AGAP1: variants seen among roughly 807,000 people sequenced by gnomAD.
AGAP1 encodes arf-GAP with GTPase, ANK repeat and PH domain-containing protein 1.
Under a neutral mutation model 105.3 loss-of-function variants are expected in AGAP1, and 29 were observed. The ratio of observed to expected loss-of-function variants is 0.28; its 90% CI spans 0.21 to 0.38. The LOEUF is 0.38. Among genes scored for constraint, AGAP1 ranks in the 10% least tolerant of loss-of-function variants. AGAP1 has a pLI of 1.00. For missense variants in AGAP1, 998 were observed against 1,165.1 expected (o/e 0.86, Z 2.09); for synonymous variants, 509 against 485.9 (o/e 1.05, Z -0.63).
In AGAP1 at chr2:236,042,332, G is replaced by A. The variant is rs1282269820; in HGVS notation, c.1891+1491G>A. Among the ~76,000 whole-genome samples the A allele has an allele frequency of 9.2e-5, 14 of 152,196 alleles. No individual in the cohort carries two copies. The East Asian group carries it at 9.7e-4, about 11-fold the overall frequency. ...GGGGAGAGATCAAAAGTCTGTCTGCGGCCTCTCTGGAAGCCTGTCCTGCGG... is the reference window on the plus strand; with the variant it reads ...GGGGAGAGATCAAAAGTCTGTCTGCAGCCTCTCTGGAAGCCTGTCCTGCGG... On this transcript the variant is annotated intron_variant, in intron 15 of 17. Coordinates refer to ENST00000304032, the MANE Select transcript of AGAP1 (RefSeq NM_001037131.3). The surrounding 1 kb of genome is among the most constrained non-coding windows in gnomAD (Gnocchi z 5.6).
In AGAP1 at chr2:236,053,961, C is replaced by T. The variant is rs533237737; in HGVS notation, c.2114+4680C>T. 6.6e-6 allele frequency among the ~76,000 whole-genome samples: 1 copy of T among 152,184 alleles called. No individual in the cohort carries two copies. The highest frequency in any genetic ancestry group is 2.4e-5 in the African/African-American group (1 of 41,454). On this transcript the variant is annotated intron_variant, in intron 16 of 17. Coordinates refer to ENST00000304032, the MANE Select transcript of AGAP1 (RefSeq NM_001037131.3). This position sits in a 1 kb window ranked among gnomAD's most constrained non-coding sequence, Gnocchi z 4.6. ...CCCCCCATTATTTGTAAGTTCACCT[C>T]TGTGCCTAAACTCCCTTCTTGTCTT...
chr2:235,822,191 CAAT>C (rs1264122855), intron 9 of AGAP1, among the ~76,000 whole-genome samples: 3 of 152,176 alleles, frequency 2.0e-5, no homozygotes, highest in African/African-American at 7.2e-5. Flanking sequence ...ACGTTGTACT[CAAT>C]AATAAGTAGG....
chr2:235,791,591 A>G (rs993860848), intron 6 of AGAP1, among the ~76,000 whole-genome samples: 8 of 151,976 alleles, frequency 5.3e-5, no homozygotes, highest in African/African-American at 9.7e-5. Flanking sequence ...GCCAGACTGG[A>G]GTACAGTGGC....
Position 235,967,396 on chromosome 2 carries a change from C to T in AGAP1, c.1484-1066C>T, listed in dbSNP as rs1190279225. Among the ~76,000 whole-genome samples, 2 of 152,158 alleles carry T rather than the reference C, an allele frequency of 1.3e-5. No homozygotes were observed. The highest frequency in any genetic ancestry group is 2.9e-5 in the Non-Finnish European group (2 of 68,044). On this transcript the variant is annotated intron_variant, in intron 12 of 17. Coordinates refer to ENST00000304032, the MANE Select transcript of AGAP1 (RefSeq NM_001037131.3). This position sits in a 1 kb window ranked among gnomAD's most constrained non-coding sequence, Gnocchi z 4.7. ...CGTTCCTATTCGGTCTTTCCCATAA[C>T]TCTTACCAGCTTCTGATGGACTCCA...
At chr2:235,840,561 G>A (rs571823285) in intron 9 of AGAP1, among the ~76,000 whole-genome samples, 1 of 152,282 alleles carries the variant, frequency 6.6e-6, no homozygotes, top group South Asian at 2.1e-4. Context: ...GGGCCATGCT[G>A]GCTGCAGAAT....
intron 6 of AGAP1, among the ~76,000 whole-genome samples, chr2:235,759,426 C>G (rs943320953): frequency 6.0e-4 from 92 of 152,310 alleles, no homozygotes; most frequent in Non-Finnish European, 1.1e-3. Flanking sequence ...GCCTTGGCCT[C>G]CCAAAGTGCT....
In AGAP1 at chr2:235,882,755, G is replaced by A. The variant is rs369640654; in HGVS notation, c.1051-590G>A. Among the ~76,000 whole-genome samples the A allele has an allele frequency of 3.9e-5, 6 of 152,160 alleles. No individual in the cohort carries two copies. The highest frequency in any genetic ancestry group is 2.0e-4 in the Admixed American group (3 of 15,280). ...CTCCCAAAGTTCTGGGATTACAGGC[G>A]TGAGCCACCGTGCCCGGCCTGGTTA... is the stretch of plus-strand genomic sequence containing the variant. On this transcript the variant is annotated intron_variant, in intron 9 of 17. Coordinates refer to ENST00000304032, the MANE Select transcript of AGAP1 (RefSeq NM_001037131.3). The surrounding 1 kb of genome is among the most constrained non-coding windows in gnomAD (Gnocchi z 4.6).
rs913438219 is a variant in AGAP1, at chr2:235,879,978, G to A, written c.1051-3367G>A. Among the ~76,000 whole-genome samples the A allele has an allele frequency of 2.4e-4, 36 of 151,704 alleles. No individual in the cohort carries two copies. The highest frequency in any genetic ancestry group is 8.2e-4 in the African/African-American group (34 of 41,270). ...ATAAAAAAATTAGCCGAACAGGATG[G>A]CACACGCCTGTAGTCCCAAGCTACT... is the stretch of plus-strand genomic sequence containing the variant. On this transcript the variant is annotated intron_variant, in intron 9 of 17. Transcript: ENST00000304032. The surrounding 1 kb of genome is among the most constrained non-coding windows in gnomAD (Gnocchi z 5.0).
intron 9 of AGAP1, among the ~76,000 whole-genome samples, chr2:235,851,167 C>T (rs888110860): frequency 5.3e-5 from 8 of 152,246 alleles, no homozygotes; most frequent in Non-Finnish European, 8.8e-5. Flanking sequence ...GACCTCTGAG[C>T]TCACAGCCTG....
chr2:235,730,148 T>A (rs928171440), intron 3 of AGAP1, among the ~76,000 whole-genome samples: 6 of 152,132 alleles, frequency 3.9e-5, no homozygotes, highest in African/African-American at 1.2e-4. Flanking sequence ...ACTTCCTGAA[T>A]TGCATATTGA....
chr2:235,682,642 G>T (rs1323598319), intron 1 of AGAP1, among the ~76,000 whole-genome samples: 2 of 152,078 alleles, frequency 1.3e-5, no homozygotes, highest in Non-Finnish European at 2.9e-5. Flanking sequence ...ACCATGCCTG[G>T]CACAGAACCC....
intron 9 of AGAP1, among the ~76,000 whole-genome samples, chr2:235,863,491 C>A (rs1043229333): frequency 1.3e-5 from 2 of 152,170 alleles, no homozygotes; most frequent in Non-Finnish European, 2.9e-5. Flanking sequence ...GGCCTCCCGT[C>A]GAGTCCTCAG....
chr2:235,706,560 T>C (rs186586504), intron 1 of AGAP1, among the ~76,000 whole-genome samples: 10 of 152,264 alleles, frequency 6.6e-5, no homozygotes, highest in Admixed American at 5.9e-4. Context: ...CGATACACTT[T>C]TTAGAAATGC....
At chr2:235,996,952 G>GA (rs371881815) in intron 13 of AGAP1, among the ~76,000 whole-genome samples, 1 of 152,136 alleles carries the variant, frequency 6.6e-6, no homozygotes, top group East Asian at 1.9e-4. Context: ...TGTAGGAGAA[G>GA]AAAAAAATCA....
intron 9 of AGAP1, among the ~76,000 whole-genome samples, chr2:235,861,152 G>A (rs2048913432): frequency 6.6e-6 from 1 of 152,222 alleles, no homozygotes. Context: ...TACAATATTT[G>A]CAGTGGTTCA....
chr2:235,810,509 G>A (rs1319508527), intron 9 of AGAP1, among the ~76,000 whole-genome samples: 3 of 152,284 alleles, frequency 2.0e-5, no homozygotes, highest in South Asian at 2.1e-4. Context: ...ATCCAGGCAA[G>A]GCAGCCTTCA....
chr2:236,111,190 C>T (rs2059628935), intron 16 of AGAP1, among the ~76,000 whole-genome samples: 1 of 152,186 alleles, frequency 6.6e-6, no homozygotes, highest in Non-Finnish European at 1.5e-5. Context: ...TAAATCCGTG[C>T]AGGGAAGGCA....
intron 1 of AGAP1, among the ~76,000 whole-genome samples, chr2:235,501,387 A>G (rs866367074): frequency 6.6e-6 from 1 of 152,180 alleles, no homozygotes; most frequent in Non-Finnish European, 1.5e-5. Flanking sequence ...TTCACTTATT[A>G]TATGATAATT....
chr2:235,684,023 C>T (rs541848592), intron 1 of AGAP1, among the ~76,000 whole-genome samples: 7 of 151,734 alleles, frequency 4.6e-5, no homozygotes, highest in African/African-American at 1.7e-4. Context: ...CTGCAGAGGA[C>T]ATGAACTCAT....
Sources: gnomAD v4.1 joint callset for allele counts (sites outside exome capture counted in the v4.1 genomes callset) on GRCh38, gnomAD v4.1.1 for gene constraint, Gnocchi (gnomAD v3.1) non-coding constraint, MANE v1.5 for transcripts, NCBI Gene and HGNC (gene_info 2026-07-23, HGNC 2026-07-21) for gene names.